RPAP1: variants seen among roughly 807,000 people sequenced by gnomAD.
RPAP1 encodes the protein RNA polymerase II associated protein 1.
In RPAP1, 109 loss-of-function variants were observed where a neutral mutation model predicts 142.4. The ratio of observed to expected loss-of-function variants is 0.77; its 90% CI spans 0.66 to 0.90. RPAP1 has a LOEUF of 0.90. Ranked by LOEUF, RPAP1 falls within the 40% of genes least tolerant of loss-of-function variation. RPAP1 has a pLI of 0.00. For missense variants in RPAP1, 1,546 were observed against 1,751.7 expected, an observed-to-expected ratio of 0.88 and a Z score of 2.10; for synonymous variants, 704 against 738.9, an observed-to-expected ratio of 0.95 and a Z score of 0.77.
At position 41,522,107 on chromosome 15, in the gene RPAP1, G is replaced by C; in HGVS notation, c.2886C>G (p.Ala962=). 1 of 1,613,476 alleles carries C rather than the reference G, an allele frequency of 6.2e-7. No homozygotes were observed. The highest frequency in any genetic ancestry group is 8.5e-7 in the Non-Finnish European group (1 of 1,179,892). Residue 962 remains alanine, a synonymous_variant, in exon 20 of 25, where the codon GCC becomes GCG. Coordinates refer to ENST00000304330, the MANE Select transcript of RPAP1 (RefSeq NM_015540.4). ...AGACAGGGGGACCTACCGCTTTCTG[G>C]GCCAGAGCGAGTGCCAGGTACTGCA... The part of the protein sequence containing the change: ...YHLQYLALAL[A]QKAAALQPLP...
intron 22 of RPAP1, chr15:41,519,568 C>A (rs2051702927): frequency 6.6e-6 from 1 of 152,126 alleles, no homozygotes; most frequent in African/African-American, 2.4e-5. Context: ...ATTTGAGGCC[C>A]TCTCAGACTT....
At position 41,527,017 on chromosome 15, in the gene RPAP1, T is replaced by A; in HGVS notation, c.1798A>T (p.Thr600Ser). ...IETIVREFLP[T>S]SWSPVGAGPT... ...CCTGCCCCCACAGGAGACCAACTGG[T>A]GGGCAAGAACTCTCGAACTATAGTC... is the stretch of plus-strand genomic sequence containing the variant. The change falls in exon 14 of 25, where the codon ACC (threonine) becomes TCC (serine). Residue 600 changes from threonine (T) to serine (S), a missense_variant. Around this residue, in one of 3 missense-constraint regions of RPAP1, gnomAD observed 1,333 missense variants for 1,486.6 expected, o/e 0.90. Transcript: ENST00000304330. 6.2e-7 allele frequency: 1 copy of A among 1,614,150 alleles called. No individual in the cohort carries two copies.
At chr15:41,537,433 A>C (rs1026475412) in intron 1 of RPAP1, among the ~76,000 whole-genome samples, 8 of 152,120 alleles carry the variant, frequency 5.3e-5, no homozygotes, top group African/African-American at 1.9e-4. Flanking sequence ...CTCAGGAACA[A>C]CCAGCAGGAG....
In RPAP1 at chr15:41,517,641, T is replaced by G. The variant is rs1420685184; in HGVS notation, c.4083A>C (p.Pro1361=). The G allele has an allele frequency of 6.2e-7, 1 of 1,612,716 alleles. No individual in the cohort carries two copies. Among genetic ancestry groups the G allele is most frequent in the Non-Finnish European group, 8.5e-7 (1 of 1,179,212 alleles). ...ACTGAGAATAGAGCTCAAAGCCCTC[T>G]GGGAGCGTGGAATTGGGAAGCTTAT... ...LHYKLPNSTL[P]EGFELYSQLP... The change falls in exon 25 of 25, where the codon CCA becomes CCC. Residue 1361 remains proline (P), a synonymous_variant. Coordinates refer to ENST00000304330, the MANE Select transcript of RPAP1 (RefSeq NM_015540.4).
intron 5 of RPAP1, 151 bp from the exon 6 acceptor site, chr15:41,535,086 A>T (rs2051894243): frequency 1.5e-6 from 1 of 688,518 alleles, no homozygotes; most frequent in Non-Finnish European, 2.4e-6. Flanking sequence ...TGGCACAGGG[A>T]CTCCAGGTGG....
rs199645284 is a variant in RPAP1, at chr15:41,518,099, A to C, written c.3879T>G (p.Thr1293=). The C allele has an allele frequency of 1.4e-5, 22 of 1,608,968 alleles. No homozygotes were observed. Among genetic ancestry groups the C allele is most frequent in the Non-Finnish European group, 1.8e-5 (21 of 1,178,704 alleles). ...GGCACCAACGTGGGCGGAGCGCACCAGTAACCAGGGTCCGGAAGTAGAGCT... is the reference window on the plus strand; with the variant it reads ...GGCACCAACGTGGGCGGAGCGCACCCGTAACCAGGGTCCGGAAGTAGAGCT... ...LLQLYFRTLV[T]GALRPRWCPV... The change falls in exon 23 of 25, where the codon ACT becomes ACG. Residue 1293 remains threonine (T), a synonymous_variant. Coordinates refer to ENST00000304330, the MANE Select transcript of RPAP1 (RefSeq NM_015540.4).
Position 41,520,757 on chromosome 15 carries a change from G to T in RPAP1, c.3429C>A (p.Arg1143=), listed in dbSNP as rs766894150. Residue 1143 remains arginine (R), a synonymous_variant, in exon 22 of 25, where the codon CGC becomes CGA. Transcript: ENST00000304330. ...GGGGCACAGCCCAGAGAGCCTGGGGGCGCCAGCTCTCCAAAACTAGCACCC... is the reference window on the plus strand; with the variant it reads ...GGGGCACAGCCCAGAGAGCCTGGGGTCGCCAGCTCTCCAAAACTAGCACCC... The part of the protein sequence containing the change: ...LQWVLVLESW[R]PQALWAVPPA... 5 of 1,613,610 alleles carry T rather than the reference G, an allele frequency of 3.1e-6. No homozygotes were observed. Among genetic ancestry groups the T allele is most frequent in the Non-Finnish European group, 4.2e-6 (5 of 1,179,972 alleles).
At chr15:41,535,238 A>C (rs1223432820) in intron 5 of RPAP1, among the ~76,000 whole-genome samples, 1 of 152,226 alleles carries the variant, frequency 6.6e-6, no homozygotes, top group African/African-American at 2.4e-5. Flanking sequence ...AATTTGCATC[A>C]TTAAAGGGAT....
At chr15:41,537,892 A>AAC (rs1419326441) in intron 1 of RPAP1, among the ~76,000 whole-genome samples, 11 of 151,866 alleles carry the variant, frequency 7.2e-5, no homozygotes, top group Non-Finnish European at 1.3e-4. Context: ...TCAAAAAAAA[A>AAC]AAAAAAAATT....
chr15:41,536,684 C>A, intron 2 of RPAP1, 35 bp from the exon 3 acceptor site: 1 of 1,605,942 alleles, frequency 6.2e-7, no homozygotes, highest in East Asian at 2.2e-5. Flanking sequence ...TGAGTATATG[C>A]ACACCTTCCT....
At chr15:41,524,852 C>G (rs1456360135) in intron 15 of RPAP1, 139 bp downstream of exon 15, 31 of 844,108 alleles carry the variant, frequency 3.7e-5, no homozygotes, top group Middle Eastern at 3.6e-4. Context: ...TAAGCCTTTT[C>G]ACATCTGGCA....
intron 14 of RPAP1, among the ~76,000 whole-genome samples, chr15:41,526,042 C>T (rs192599544): frequency 8.5e-5 from 13 of 152,258 alleles, no homozygotes; most frequent in East Asian, 3.9e-4. Context: ...CTCCATCTCC[C>T]GGGTTCAAGC....
Position 41,520,694 on chromosome 15 carries a change from C to T in RPAP1, c.3492G>A (p.Leu1164=). Residue 1164 remains leucine (L), a synonymous_variant, in exon 22 of 25, where the codon CTG becomes CTA. Transcript: ENST00000304330. ...ACTCCCGGAACAGCTCACTGTCCAC[C>T]AGGAACACACACATGAGCCGTGCCA... ...ARLARLMCVF[L]VDSELFRESP... 1 of 1,614,136 alleles carries T rather than the reference C, an allele frequency of 6.2e-7. No individual in the cohort carries two copies. Among genetic ancestry groups the T allele is most frequent in the African/African-American group, 1.3e-5 (1 of 75,058 alleles).
intron 6 of RPAP1, among the ~76,000 whole-genome samples, chr15:41,534,279 G>A (rs980142949): frequency 2.0e-5 from 3 of 151,484 alleles, no homozygotes; most frequent in Non-Finnish European, 2.9e-5. Flanking sequence ...TTAGCTGGGC[G>A]TGGTGGCAGA....
Position 41,526,891 on chromosome 15 carries a change from T to C in RPAP1, c.1917+7A>G, listed in dbSNP as rs1301531956. ...TTCCCCCATCCCTTGCCCTGTGTCC[T>C]GCTCACCAGCCGGGCAGCAATATTC... is the stretch of plus-strand genomic sequence containing the variant. On this transcript the variant is annotated splice_region_variant and intron_variant, in intron 14 of 24. Transcript: ENST00000304330. 1.2e-6 allele frequency: 2 copies of C among 1,606,840 alleles called. No individual in the cohort carries two copies. Among genetic ancestry groups the C allele is most frequent in the Non-Finnish European group, 1.7e-6 (2 of 1,175,072 alleles).
intron 22 of RPAP1, 61 bp downstream of exon 22, chr15:41,520,329 AG>A: frequency 6.3e-7 from 1 of 1,580,958 alleles, no homozygotes; most frequent in Non-Finnish European, 8.6e-7. Flanking sequence ...CTCAAGGCTC[AG>A]GACTGCCCCC....
chr15:41,522,495 AT>A, intron 19 of RPAP1: 1 of 568,334 alleles, frequency 1.8e-6, no homozygotes, highest in Non-Finnish European at 3.1e-6. Context: ...GGTTCAAGTG[AT>A]TCTCCTGCCT....
chr15:41,536,701 A>T lies in RPAP1; in HGVS notation c.182-52T>A, dbSNP rs1021619189. On this transcript the variant is annotated intron_variant, in intron 2 of 24. Coordinates refer to ENST00000304330, the MANE Select transcript of RPAP1 (RefSeq NM_015540.4). The stretch of plus-strand genomic sequence containing the variant: ...AGTATATGCACACCTTCCTAGGAAG[A>T]CACTGCAGGCTAGGGAAGAAAGACA... 3.1e-6 allele frequency: 5 copies of T among 1,591,808 alleles called. No individual in the cohort carries two copies. In the African/African-American group the frequency reaches 6.7e-5, roughly 21 times the overall value.
chr15:41,536,953 A>T lies in RPAP1; in HGVS notation c.173T>A (p.Met58Lys). The T allele has an allele frequency of 6.2e-7, 1 of 1,613,904 alleles. No individual in the cohort carries two copies. Among genetic ancestry groups the T allele is most frequent in the Non-Finnish European group, 8.5e-7 (1 of 1,179,862 alleles). The change falls in exon 2 of 25, where the codon ATG becomes AAG. Residue 58 changes from methionine to lysine, a missense_variant. Physicochemically the swap from Met to Lys is moderately conservative, Grantham distance 95. Around this residue, in one of 3 missense-constraint regions of RPAP1, gnomAD observed 1,333 missense variants for 1,486.6 expected, o/e 0.90. Coordinates refer to ENST00000304330, the MANE Select transcript of RPAP1 (RefSeq NM_015540.4). The part of the protein sequence containing the change: ...PPLQDHRDVV[M>K]LDNLPDLPPA... ...CATCCATGGGAACTCACTGTCCAAC[A>T]TCACCACATCCCGATGGTCCTGGAG...
Sources: allele counts gnomAD v4.1 joint callset (sites outside exome capture counted in the v4.1 genomes callset), GRCh38; gene constraint gnomAD v4.1.1; regional missense constraint gnomAD v4.1.1; transcripts MANE v1.5; gene names NCBI Gene and HGNC (gene_info 2026-07-23, HGNC 2026-07-21).